PIK3CB: variants seen among roughly 807,000 people sequenced by gnomAD.
The protein encoded by PIK3CB is phosphatidylinositol-4,5-bisphosphate 3-kinase catalytic subunit beta, also known as phosphatidylinositol 4,5-bisphosphate 3-kinase catalytic subunit beta isoform.
PIK3CB carries 39 observed loss-of-function variants against 136.8 expected under a neutral mutation model. The ratio of observed to expected loss-of-function variants is 0.29; its 90% confidence interval spans 0.22 to 0.37. The LOEUF is 0.37. Ranked by LOEUF, PIK3CB falls within the 10% of genes least tolerant of loss-of-function variation. The pLI is 1.00. For synonymous variants in PIK3CB, 428 were observed against 436.6 expected, an observed-to-expected ratio of 0.98 and a Z score of 0.25; for missense variants, 868 against 1,275.4, an observed-to-expected ratio of 0.68 and a Z score of 4.87.
intron 19 of PIK3CB, among the ~76,000 whole-genome samples, chr3:138,673,511 G>T (rs1215392785): frequency 6.6e-6 from 1 of 152,056 alleles, no homozygotes; most frequent in Non-Finnish European, 1.5e-5. Context: ...GGCTTCTGAG[G>T]AAAGCAGTCA....
At chr3:138,826,330 A>G in intron 1 of PIK3CB, 2 of 1,597,302 alleles carry the variant, frequency 1.3e-6, no homozygotes, top group South Asian at 1.1e-5. Context: ...GGCTAAATGA[A>G]TATTATCCCT....
Position 138,656,316 on chromosome 3 carries a change from G to A in PIK3CB, c.2943-42C>T, listed in dbSNP as rs767911165. On this transcript the variant is annotated intron_variant, in intron 22 of 23. Coordinates refer to ENST00000674063, the MANE Select transcript of PIK3CB (RefSeq NM_006219.3). ...AAACCACATGAGCACAGTGTTAGAG[G>A]GGAGAGAGCACATTTCATACAGGAA... 3.7e-6 allele frequency: 6 copies of A among 1,605,160 alleles called. No individual in the cohort carries two copies. The South Asian group carries it at 5.6e-5, about 15-fold the overall frequency.
chr3:138,728,562 G>A (rs1444416303), intron 8 of PIK3CB, among the ~76,000 whole-genome samples: 2 of 152,044 alleles, frequency 1.3e-5, no homozygotes, highest in Admixed American at 6.6e-5. Flanking sequence ...TGGATCATGA[G>A]GTCAGGAGAT....
At chr3:138,741,076 T>A (rs2045233512) in intron 5 of PIK3CB, among the ~76,000 whole-genome samples, 3 of 152,228 alleles carry the variant, frequency 2.0e-5, no homozygotes, top group South Asian at 4.1e-4. Flanking sequence ...TGACTTAAAT[T>A]GAACTTTAGA....
At chr3:138,773,828 T>C (rs977796384) in intron 2 of PIK3CB, among the ~76,000 whole-genome samples, 1 of 152,222 alleles carries the variant, frequency 6.6e-6, no homozygotes, top group Non-Finnish European at 1.5e-5. Context: ...TCTTCTCTCC[T>C]CACCCTCTCC....
At chr3:138,775,502 A>G (rs970389808) in intron 2 of PIK3CB, among the ~76,000 whole-genome samples, 2 of 152,124 alleles carry the variant, frequency 1.3e-5, no homozygotes, top group Non-Finnish European at 2.9e-5. Flanking sequence ...CAGAGCCTCA[A>G]CCAGAAGGGA....
At chr3:138,821,113 C>T (rs139543521) in intron 1 of PIK3CB, among the ~76,000 whole-genome samples, 1 of 149,814 alleles carries the variant, frequency 6.7e-6, no homozygotes, top group East Asian at 2.0e-4. Context: ...GGTGAAACCC[C>T]GTCTGTACTA....
Position 138,714,454 on chromosome 3 carries a change from TG to T in PIK3CB, c.1302+13del, listed in dbSNP as rs1226778097. On this transcript the variant is annotated intron_variant, in intron 9 of 23. Coordinates refer to ENST00000674063, the MANE Select transcript of PIK3CB (RefSeq NM_006219.3). ...GTTATATAAAACAATCCTCAGAAGT[TG>T]GTATATCATTACCACTTTTCCAGCT... 1.9e-6 allele frequency: 3 copies of T among 1,554,664 alleles called. No individual in the cohort carries two copies. The highest frequency in any genetic ancestry group is 1.8e-5 in the Admixed American group (1 of 55,670).
chr3:138,763,658 G>A (rs956726147), intron 2 of PIK3CB, among the ~76,000 whole-genome samples: 2 of 152,162 alleles, frequency 1.3e-5, no homozygotes, highest in Non-Finnish European at 2.9e-5. Context: ...CAGACAGCTG[G>A]AAATGGTAAG....
At chr3:138,815,356 CAAAA>C (rs56785236) in intron 1 of PIK3CB, among the ~76,000 whole-genome samples, 1 of 26,490 alleles carries the variant, frequency 3.8e-5, no homozygotes, top group Non-Finnish European at 7.5e-5. Flanking sequence ...CATCCTGTCT[CAAAA>C]AAAAAAAAAA....
At chr3:138,732,044 C>T (rs2044987525) in intron 8 of PIK3CB, among the ~76,000 whole-genome samples, 1 of 151,714 alleles carries the variant, frequency 6.6e-6, no homozygotes, top group Admixed American at 6.6e-5. Flanking sequence ...TTAATGATAG[C>T]TACTCAAAGA....
chr3:138,826,167 C>A, intron 1 of PIK3CB: 1 of 1,093,200 alleles, frequency 9.1e-7, no homozygotes, highest in South Asian at 1.3e-5. Context: ...TCCTGACAAG[C>A]CGATGTATGT....
intron 8 of PIK3CB, among the ~76,000 whole-genome samples, chr3:138,720,773 T>C (rs1010898032): frequency 1.3e-5 from 2 of 152,028 alleles, no homozygotes; most frequent in Non-Finnish European, 2.9e-5. Context: ...GAGGCTGACG[T>C]GGGAGGATCG....
At chr3:138,813,483 G>GT (rs1214164805) in intron 1 of PIK3CB, among the ~76,000 whole-genome samples, 1 of 142,680 alleles carries the variant, frequency 7.0e-6, no homozygotes, top group Admixed American at 7.4e-5. Flanking sequence ...CCAGGCTGAA[G>GT]TGCAGTGGCA....
chr3:138,718,503 GA>G (rs1391106906), intron 8 of PIK3CB, among the ~76,000 whole-genome samples: 2 of 152,156 alleles, frequency 1.3e-5, no homozygotes, highest in East Asian at 3.9e-4. Flanking sequence ...TGGCTCTGCA[GA>G]AGCTCTTACG....
At position 138,698,980 on chromosome 3, in the gene PIK3CB, C is replaced by A. The variant is rs547624936; in HGVS notation, c.1697G>T (p.Arg566Leu). The A allele has an allele frequency of 6.2e-7, 1 of 1,605,590 alleles. No homozygotes were observed. The highest frequency in any genetic ancestry group is 1.3e-5 in the African/African-American group (1 of 74,900). The change falls in exon 13 of 24, where the codon CGA (arginine) becomes CTA (leucine). Residue 566 changes from arginine to leucine, a missense_variant. Physicochemically the swap from Arg to Leu is moderately radical, Grantham distance 102. Coordinates refer to ENST00000674063, the MANE Select transcript of PIK3CB (RefSeq NM_006219.3). ...DLIWTLRQDC[R>L]EIFPQSLPKL... Reference sequence around the variant, plus strand: ...TGGCAGTGATTGTGGGAAAATCTCTCGGCAGTCTTGTCGCAAAGTCCAAAT... The same window carrying A: ...TGGCAGTGATTGTGGGAAAATCTCTAGGCAGTCTTGTCGCAAAGTCCAAAT...
At chr3:138,827,920 G>A (rs1933855097) in intron 1 of PIK3CB, among the ~76,000 whole-genome samples, 1 of 151,480 alleles carries the variant, frequency 6.6e-6, no homozygotes, top group Admixed American at 6.6e-5. Flanking sequence ...CCTGGGAGGC[G>A]GAGCTTGAAG....
intron 19 of PIK3CB, among the ~76,000 whole-genome samples, chr3:138,666,300 A>C (rs146677963): frequency 6.4e-4 from 97 of 152,152 alleles, no homozygotes; most frequent in African/African-American, 2.3e-3. Context: ...GCTCTAGAAT[A>C]GCTGGGACTA....
intron 19 of PIK3CB, among the ~76,000 whole-genome samples, chr3:138,671,799 T>C (rs1267010642): frequency 1.3e-5 from 2 of 152,274 alleles, no homozygotes; most frequent in Admixed American, 6.5e-5. Context: ...ACAGCCTTTA[T>C]TCCTGACGCA....
Sources: allele counts gnomAD v4.1 joint callset (sites outside exome capture counted in the v4.1 genomes callset), GRCh38; gene constraint gnomAD v4.1.1; transcripts MANE v1.5; gene names NCBI Gene and HGNC (gene_info 2026-07-23, HGNC 2026-07-21).